Variants in TPRG1 observed in about 807,000 individuals in gnomAD.
TPRG1 encodes the protein tumor protein p63-regulated gene 1 protein.
In TPRG1, 29 loss-of-function variants were observed where a neutral mutation model predicts 29.3. The observed-to-expected ratio is 0.99, with a 90% CI of 0.74 to 1.35. The LOEUF is 1.35. TPRG1 is among the 40% of genes most tolerant of loss of function. TPRG1 has a pLI of 0.00. For synonymous variants in TPRG1, 130 were observed against 116.8 expected (o/e 1.11, Z -0.73); for missense variants, 327 against 335.0 (o/e 0.98, Z 0.19).
At chr3:189,110,540 T>G (rs1484800446) in intron 1 of TPRG1, among the ~76,000 whole-genome samples, 1 of 152,088 alleles carries the variant, frequency 6.6e-6, no homozygotes, top group Non-Finnish European at 1.5e-5. Flanking sequence ...GTTTTTATAT[T>G]TGATTAGGTA....
intron 4 of TPRG1, among the ~76,000 whole-genome samples, chr3:189,287,034 G>A (rs2109174722): frequency 6.6e-6 from 1 of 152,116 alleles, no homozygotes; most frequent in South Asian, 2.1e-4. Flanking sequence ...GCTCACGGAG[G>A]GCAGCAGGGC....
At chr3:189,250,954 T>C (rs1383681042) in intron 4 of TPRG1, among the ~76,000 whole-genome samples, 2 of 152,060 alleles carry the variant, frequency 1.3e-5, no homozygotes, top group East Asian at 3.9e-4. Context: ...CATGAGCTAT[T>C]GATCGCGGGC....
chr3:189,282,620 A>G (rs761567980), intron 4 of TPRG1, among the ~76,000 whole-genome samples: 100 of 151,998 alleles, frequency 6.6e-4, no homozygotes, highest in Non-Finnish European at 1.3e-3. Context: ...TAACTGCTTT[A>G]ATAAAATGAT....
At chr3:189,185,566 T>C (rs1257872221) in intron 1 of TPRG1, among the ~76,000 whole-genome samples, 1 of 152,042 alleles carries the variant, frequency 6.6e-6, no homozygotes, top group Non-Finnish European at 1.5e-5. Context: ...CATTTTTTTT[T>C]CCTGTCAGTC....
chr3:189,154,702 C>G (rs1294722766), intron 5 of TPRG1, among the ~76,000 whole-genome samples: 1 of 152,188 alleles, frequency 6.6e-6, no homozygotes, highest in African/African-American at 2.4e-5. Context: ...CTCAGCCTCC[C>G]AAAGTGCTGG....
intron 1 of TPRG1, among the ~76,000 whole-genome samples, chr3:189,175,147 A>G: frequency 6.6e-6 from 1 of 152,186 alleles, no homozygotes; most frequent in Non-Finnish European, 1.5e-5. Flanking sequence ...GCAAGACAGA[A>G]TATGATAAAT....
chr3:189,264,236 C>A (rs888211681), intron 4 of TPRG1, among the ~76,000 whole-genome samples: 1 of 151,950 alleles, frequency 6.6e-6, no homozygotes, highest in African/African-American at 2.4e-5. Flanking sequence ...AATGGTTAAC[C>A]AAGATTTTAT....
chr3:189,222,158 C>T (rs549571847), intron 3 of TPRG1, among the ~76,000 whole-genome samples: 1 of 152,210 alleles, frequency 6.6e-6, no homozygotes, highest in Admixed American at 6.5e-5. Context: ...GTTCATTTGA[C>T]TTTATTTAGT....
At chr3:189,032,741 TC>T (rs1267827086) in intron 4 of TPRG1, among the ~76,000 whole-genome samples, 1 of 93,850 alleles carries the variant, frequency 1.1e-5, no homozygotes, top group African/African-American at 4.2e-5. Context: ...ATGCTATCCC[TC>T]CCCCCTCCCC....
chr3:189,058,364 C>T (rs1715871229), intron 4 of TPRG1, among the ~76,000 whole-genome samples: 2 of 152,150 alleles, frequency 1.3e-5, no homozygotes, highest in Non-Finnish European at 2.9e-5. Flanking sequence ...AGTGTAACGT[C>T]GGTACACAGA....
chr3:189,016,533 G>C (rs1712942231), intron 3 of TPRG1, among the ~76,000 whole-genome samples: 2 of 152,108 alleles, frequency 1.3e-5, no homozygotes, highest in Non-Finnish European at 2.9e-5. Flanking sequence ...AAGGACATGA[G>C]ATTCGGGAGG....
intron 1 of TPRG1, among the ~76,000 whole-genome samples, chr3:189,206,057 T>TCTG (rs1470058582): frequency 2.7e-5 from 4 of 150,000 alleles, no homozygotes; most frequent in South Asian, 2.1e-4. Flanking sequence ...TCTTCTGTCT[T>TCTG]TCTTTCTTTT....
At chr3:189,129,569 A>C (rs1722876274) in intron 2 of TPRG1, among the ~76,000 whole-genome samples, 1 of 152,162 alleles carries the variant, frequency 6.6e-6, no homozygotes, top group South Asian at 2.1e-4. Context: ...TTCCCTCATT[A>C]ACTAATTTTA....
At chr3:189,288,221 A>T (rs1228838023) in intron 4 of TPRG1, among the ~76,000 whole-genome samples, 1 of 152,116 alleles carries the variant, frequency 6.6e-6, no homozygotes, top group African/African-American at 2.4e-5. Flanking sequence ...TTCACTTTTT[A>T]AAAAATGAAT....
chr3:189,010,338 C>G (rs781378020), intron 3 of TPRG1, among the ~76,000 whole-genome samples: 1 of 152,098 alleles, frequency 6.6e-6, no homozygotes, highest in African/African-American at 2.4e-5. Context: ...TTTCTGTCTT[C>G]AGCTATTTGA....
At chr3:189,102,663 T>A (rs970270715) in intron 1 of TPRG1, among the ~76,000 whole-genome samples, 10 of 152,188 alleles carry the variant, frequency 6.6e-5, no homozygotes, top group African/African-American at 1.4e-4. Context: ...TTAATTTTTT[T>A]AAAAAAGAAG....
chr3:189,276,102 A>T (rs1037715432), intron 4 of TPRG1, among the ~76,000 whole-genome samples: 1 of 152,174 alleles, frequency 6.6e-6, no homozygotes, highest in East Asian at 1.9e-4. Flanking sequence ...ATATGTGATG[A>T]TAACACAAGG....
intron 3 of TPRG1, among the ~76,000 whole-genome samples, chr3:189,146,894 T>C (rs1725334990): frequency 6.6e-6 from 1 of 152,208 alleles, no homozygotes; most frequent in Admixed American, 6.5e-5. Flanking sequence ...TTTTCCACAG[T>C]ACTTCTGCAA....
At position 189,302,752 on chromosome 3, in the gene TPRG1, AAC is replaced by A. The variant is rs1270305524; in HGVS notation, c.480-7630_480-7629del. Among the ~76,000 whole-genome samples the A allele has an allele frequency of 3.9e-5, 6 of 152,224 alleles. No homozygotes were observed. In the East Asian group the frequency reaches 1.2e-3, roughly 29 times the overall value. Reference sequence around the variant, plus strand: ...TTTCCATTTAAATGGCATCTGAGAAAACACAGCTTTTTCTAATAACTTGTTGC... The same window carrying A: ...TTTCCATTTAAATGGCATCTGAGAAAACAGCTTTTTCTAATAACTTGTTGC... On this transcript the variant is annotated intron_variant, in intron 4 of 5. Transcript: ENST00000345063.
Sources: gnomAD v4.1 joint callset for allele counts (sites outside exome capture counted in the v4.1 genomes callset) on GRCh38, gnomAD v4.1.1 for gene constraint, MANE v1.5 for transcripts, NCBI Gene and HGNC (gene_info 2026-07-23, HGNC 2026-07-21) for gene names.